The following PRR5L variants were observed in gnomAD, a reference collection of about 807,000 sequenced individuals.
PRR5L encodes the protein proline-rich protein 5-like.
In PRR5L, 21 loss-of-function variants were observed where a neutral mutation model predicts 36.4. The ratio of observed to expected loss-of-function variants is 0.58; its 90% CI spans 0.41 to 0.83. The LOEUF is 0.83. PRR5L is among the 40% of genes least tolerant of loss of function. The pLI, the probability that PRR5L is intolerant of heterozygous loss-of-function variation, is 0.00. For synonymous variants in PRR5L, 188 were observed against 197.0 expected (o/e 0.95, Z 0.38); for missense variants, 381 against 473.3 (o/e 0.80, Z 1.81).
chr11:36,308,031 G>A (rs1856453363), intron 1 of PRR5L, among the ~76,000 whole-genome samples: 1 of 152,200 alleles, frequency 6.6e-6, no homozygotes, highest in Non-Finnish European at 1.5e-5. Flanking sequence ...AAGGTGAATG[G>A]AATTCCCTCT....
At chr11:36,307,985 C>A (rs1856452820) in intron 1 of PRR5L, among the ~76,000 whole-genome samples, 1 of 152,188 alleles carries the variant, frequency 6.6e-6, no homozygotes, top group Non-Finnish European at 1.5e-5. Context: ...CTGGCCCAAT[C>A]TAGGTCACTT....
intron 1 of PRR5L, among the ~76,000 whole-genome samples, chr11:36,299,705 A>G (rs921672594): frequency 2.6e-5 from 4 of 152,186 alleles, no homozygotes; most frequent in Admixed American, 2.0e-4. Flanking sequence ...AATTCACCCA[A>G]AAGAGATTAT....
At chr11:36,376,026 G>C (rs1857251931) in intron 1 of PRR5L, 1 of 561,362 alleles carries the variant, frequency 1.8e-6, no homozygotes, top group African/African-American at 2.0e-5. Flanking sequence ...GCCGGGGGCG[G>C]GGGTCGGCTG....
In PRR5L at chr11:36,403,330, G is replaced by T. The variant is rs776286628; in HGVS notation, c.197G>T (p.Gly66Val). 96 of 1,614,010 alleles carry T rather than the reference G, an allele frequency of 5.9e-5. No individual in the cohort carries two copies. The highest frequency in any genetic ancestry group is 7.3e-5 in the Non-Finnish European group (86 of 1,180,028). ...ACTGCTGTGATCAACGTTTTCAAAG[G>T]GGGTGGCTTGCAAAGCAACGAGCTC... The part of the protein sequence containing the change: ...VQTAVINVFK[G>V]GGLQSNELYA... Residue 66 changes from glycine to valine, a missense_variant, in exon 3 of 9, where the codon GGG becomes GTG. Gly to Val is a moderately radical substitution (Grantham distance 109, BLOSUM62 -3). Transcript: ENST00000530639.
intron 8 of PRR5L, among the ~76,000 whole-genome samples, chr11:36,459,339 G>A (rs1456273156): frequency 1.3e-5 from 2 of 152,152 alleles, no homozygotes; most frequent in Admixed American, 6.5e-5. Flanking sequence ...CTGCCCTAGC[G>A]CAGCCCATGT....
intron 5 of PRR5L, among the ~76,000 whole-genome samples, chr11:36,436,732 G>A (rs1858613358): frequency 6.6e-6 from 1 of 152,196 alleles, no homozygotes; most frequent in Non-Finnish European, 1.5e-5. Flanking sequence ...AAGAGCATGG[G>A]TTCTGGAATC....
intron 4 of PRR5L, among the ~76,000 whole-genome samples, chr11:36,424,666 C>T (rs7107720): frequency 0.53 from 80,122 of 151,988 alleles, 21,731 homozygotes; most frequent in Non-Finnish European, 0.58. Context: ...ATGGTAGTGA[C>T]GGCTAACATT....
intron 3 of PRR5L, among the ~76,000 whole-genome samples, chr11:36,409,836 AG>A (rs1335819947): frequency 6.6e-6 from 1 of 152,220 alleles, no homozygotes; most frequent in East Asian, 1.9e-4. Flanking sequence ...AGATACAGAG[AG>A]GTGGAATAAC....
chr11:36,299,103 AT>A (rs763911849), intron 1 of PRR5L, among the ~76,000 whole-genome samples: 6 of 152,114 alleles, frequency 3.9e-5, no homozygotes, highest in African/African-American at 7.2e-5. Context: ...CTGAAGGTAA[AT>A]TTCCATTCCT....
chr11:36,336,505 C>G (rs1338414813), intron 1 of PRR5L, among the ~76,000 whole-genome samples: 1 of 146,970 alleles, frequency 6.8e-6, no homozygotes, highest in Non-Finnish European at 1.5e-5. Flanking sequence ...GCTGGGATTA[C>G]AGGCTTGAAC....
chr11:36,308,951 G>T (rs1286164071), intron 1 of PRR5L, among the ~76,000 whole-genome samples: 1 of 152,196 alleles, frequency 6.6e-6, no homozygotes, highest in Non-Finnish European at 1.5e-5. Context: ...TCAACCTGCA[G>T]ATCTGTAAGT....
At chr11:36,440,971 G>A (rs1258916320) in intron 6 of PRR5L, among the ~76,000 whole-genome samples, 1 of 152,166 alleles carries the variant, frequency 6.6e-6, no homozygotes, top group African/African-American at 2.4e-5. Context: ...ACCAAGGGGA[G>A]GGCACCAAGC....
chr11:36,383,553 C>T (rs145386073), intron 1 of PRR5L, among the ~76,000 whole-genome samples: 227 of 152,268 alleles, frequency 1.5e-3, no homozygotes, highest in African/African-American at 5.2e-3. Flanking sequence ...CTGTAATAAA[C>T]CAAAAGGAGT....
At chr11:36,333,732 G>A (rs1856741576) in intron 1 of PRR5L, among the ~76,000 whole-genome samples, 1 of 152,134 alleles carries the variant, frequency 6.6e-6, no homozygotes, top group Non-Finnish European at 1.5e-5. Flanking sequence ...TGGGGTTGGG[G>A]ATGAATTGCA....
At chr11:36,392,671 G>A (rs1024934407) in intron 1 of PRR5L, among the ~76,000 whole-genome samples, 20 of 152,154 alleles carry the variant, frequency 1.3e-4, no homozygotes, top group Admixed American at 2.6e-4. Context: ...TGGCTAGGGA[G>A]GCCTCAGGAA....
chr11:36,299,170 C>T (rs1289508558), intron 1 of PRR5L, among the ~76,000 whole-genome samples: 1 of 144,352 alleles, frequency 6.9e-6, no homozygotes, highest in Non-Finnish European at 1.5e-5. Context: ...CACAGTACAT[C>T]TCTGGCTTAT....
chr11:36,359,185 T>G (rs912600396), intron 1 of PRR5L, among the ~76,000 whole-genome samples: 2 of 152,238 alleles, frequency 1.3e-5, no homozygotes, highest in African/African-American at 4.8e-5. Flanking sequence ...GTGGCAGATT[T>G]GAACTAAAGA....
intron 1 of PRR5L, among the ~76,000 whole-genome samples, chr11:36,314,860 C>T (rs949186192): frequency 1.3e-5 from 2 of 152,170 alleles, no homozygotes; most frequent in African/African-American, 4.8e-5. Context: ...GTTATTTCAC[C>T]TCTCTGAGTC....
At chr11:36,376,412 C>T (rs1459322044) in intron 1 of PRR5L, 12 of 1,148,982 alleles carry the variant, frequency 1.0e-5, no homozygotes, top group Admixed American at 4.0e-5. Flanking sequence ...AACGTGTCAC[C>T]AGCCCGGCTG....
Sources: gnomAD v4.1 joint callset for allele counts (sites outside exome capture counted in the v4.1 genomes callset) on GRCh38, gnomAD v4.1.1 for gene constraint, MANE v1.5 for transcripts, NCBI Gene and HGNC (gene_info 2026-07-23, HGNC 2026-07-21) for gene names.